The following MROH2A variants were observed in gnomAD, a reference collection of about 807,000 sequenced individuals.
MROH2A encodes maestro heat-like repeat-containing protein family member 2A.
A neutral mutation model predicts 200.4 loss-of-function variants in MROH2A; 174 were observed. The observed-to-expected ratio is 0.87, with a 90% CI of 0.77 to 0.98. The LOEUF (loss-of-function observed/expected upper bound fraction) is 0.98, where lower values mean the gene tolerates loss of function less well. Ranked by LOEUF, MROH2A falls within the 50% of genes least tolerant of loss-of-function variation. MROH2A has a pLI of 0.00. For missense variants in MROH2A, 2,045 were observed against 2,139.6 expected (o/e 0.96, Z 0.87); for synonymous variants, 829 against 840.4 (o/e 0.99, Z 0.23).
intron 5 of MROH2A, 31 bp from the exon 6 acceptor site, chr2:233,792,765 C>A: frequency 7.0e-7 from 1 of 1,421,732 alleles, no homozygotes; most frequent in Non-Finnish European, 9.7e-7. Context: ...CCAGCCCCAA[C>A]TTCCTGTAAT....
At chr2:233,809,012 GA>G in intron 21 of MROH2A, 113 bp from the exon 22 acceptor site, 1 of 1,197,680 alleles carries the variant, frequency 8.3e-7, no homozygotes, top group Non-Finnish European at 1.2e-6. Flanking sequence ...ACAGTCAGGT[GA>G]AGCACCGCCA....
chr2:233,823,006 G>A lies in MROH2A; in HGVS notation c.3992G>A (p.Ser1331Asn). 1 of 1,550,352 alleles carries A rather than the reference G, an allele frequency of 6.5e-7. No individual in the cohort carries two copies. Among genetic ancestry groups the A allele is most frequent in the East Asian group, 2.4e-5 (1 of 40,918 alleles). Reference protein sequence around the residue: ...QDGGTFLEGVSLLARLCMQHV... With the variant: ...QDGGTFLEGVNLLARLCMQHV... ...GGCGGGACATTCCTGGAGGGTGTGAGCCTGCTGGCCAGGTGGGCCCTGGCT... is the reference window on the plus strand; with the variant it reads ...GGCGGGACATTCCTGGAGGGTGTGAACCTGCTGGCCAGGTGGGCCCTGGCT... Residue 1331 changes from serine to asparagine, a missense_variant, in exon 34 of 42, where the codon AGC becomes AAC. Physicochemically the swap from Ser to Asn is conservative, Grantham distance 46. Around this residue, in one of 3 missense-constraint regions of MROH2A, gnomAD observed 1,201 missense variants for 1,311.3 expected, o/e 0.92. Coordinates refer to ENST00000389758, the MANE Select transcript of MROH2A (RefSeq NM_001394639.1).
rs1394949168 is a variant in MROH2A, at chr2:233,816,880, G to A, written c.2956G>A (p.Val986Ile). Residue 986 changes from valine (V) to isoleucine (I), a missense_variant, in exon 27 of 42, where the codon GTC becomes ATC. Physicochemically the swap from Val to Ile is conservative, Grantham distance 29. This residue lies in a region of MROH2A where 1,201 missense variants were observed against 1,311.3 expected (regional missense o/e 0.92). Transcript: ENST00000389758. ...LMWIYVHSTA[V>I]CIHLKLGQFG... is the part of the protein sequence containing the mutation. ...GTGGATTTATGTCCACAGCACTGCT[G>A]TCTGTGTGAGTCCAGGAGTCCCCAG... 18 of 1,538,764 alleles carry A rather than the reference G, an allele frequency of 1.2e-5. No individual in the cohort carries two copies. Among genetic ancestry groups the A allele is most frequent in the Admixed American group, 2.0e-5 (1 of 50,936 alleles).
At chr2:233,816,660 A>G in intron 26 of MROH2A, 121 bp from the exon 27 acceptor site, 1 of 626,354 alleles carries the variant, frequency 1.6e-6, no homozygotes, top group Non-Finnish European at 2.9e-6. Flanking sequence ...GCCTGTCTAG[A>G]ACCACAAGGA....
At position 233,807,471 on chromosome 2, in the gene MROH2A, G is replaced by T; in HGVS notation, c.2101G>T (p.Ala701Ser). Residue 701 changes from alanine (A) to serine (S), a missense_variant, in exon 20 of 42, where the codon GCC (alanine) becomes TCC (serine). This residue lies in a region of MROH2A where 1,201 missense variants were observed against 1,311.3 expected (regional missense o/e 0.92). Coordinates refer to ENST00000389758, the MANE Select transcript of MROH2A (RefSeq NM_001394639.1). The surrounding 1 kb of genome is among the most constrained non-coding windows in gnomAD (Gnocchi z 4.3). ...CTTCACCTTGGCCACAGGCCTGGAG[G>T]CCAGCAAGGTGGAGGTCCTGCTGTT... ...LGFTLATGLE[A>S]SKVEVLLLEL... 1 of 1,550,626 alleles carries T rather than the reference G, an allele frequency of 6.4e-7. No homozygotes were observed. Among genetic ancestry groups the T allele is most frequent in the Non-Finnish European group, 8.7e-7 (1 of 1,147,012 alleles).
At chr2:233,805,519 A>G (rs1702736154) in intron 19 of MROH2A, among the ~76,000 whole-genome samples, 1 of 152,188 alleles carries the variant, frequency 6.6e-6, no homozygotes. Flanking sequence ...ACCTATCACA[A>G]TCCAAGCTAG....
intron 3 of MROH2A, among the ~76,000 whole-genome samples, chr2:233,789,086 T>A (rs183744836): frequency 3.3e-4 from 50 of 151,606 alleles, no homozygotes; most frequent in Non-Finnish European, 5.7e-4. Flanking sequence ...TCAGTGGTGA[T>A]AAGCGCTATC....
rs1161122037 is a variant in MROH2A, at chr2:233,823,580, C to T, written c.4029C>T (p.Gly1343=). 1.3e-6 allele frequency: 2 copies of T among 1,550,162 alleles called. No individual in the cohort carries two copies. The highest frequency in any genetic ancestry group is 2.0e-5 in the Admixed American group (1 of 50,982). Residue 1343 remains glycine (G), a synonymous_variant, in exon 35 of 42, where the codon GGC becomes GGT. Coordinates refer to ENST00000389758, the MANE Select transcript of MROH2A (RefSeq NM_001394639.1). The stretch of plus-strand genomic sequence containing the variant: ...GGCTGTGCATGCAGCACGTGGAGGG[C>T]CACAGGCAGAGGCTGGCCGAGCTGG... ...LARLCMQHVE[G]HRQRLAELVL...
At chr2:233,802,527 A>C (rs1007563863) in intron 15 of MROH2A, 6 of 543,960 alleles carry the variant, frequency 1.1e-5, no homozygotes, top group Non-Finnish European at 1.6e-5. Context: ...CTTCCTTTGG[A>C]TAGCTCACTC....
intron 27 of MROH2A, 127 bp from the exon 28 acceptor site, chr2:233,817,875 C>A: frequency 8.6e-7 from 1 of 1,167,938 alleles, no homozygotes; most frequent in Non-Finnish European, 1.2e-6. Context: ...TGGCACCCTC[C>A]CCTTCCCCAA....
At chr2:233,787,957 C>CATATATATTATATATACAT (rs1234238792) in intron 3 of MROH2A, among the ~76,000 whole-genome samples, 1 of 11,200 alleles carries the variant, frequency 8.9e-5, no homozygotes. Context: ...ATTATATATA[C>CATATATATTATATATACAT]ATATATTATA....
At chr2:233,811,038 T>A (rs1703122536) in intron 23 of MROH2A, 122 bp downstream of exon 23, 1 of 1,134,290 alleles carries the variant, frequency 8.8e-7, no homozygotes, top group African/African-American at 1.6e-5. Context: ...TTCCCTGTCT[T>A]GGCTCTGCTT....
At chr2:233,779,017 G>C (rs527329861) in intron 1 of MROH2A, among the ~76,000 whole-genome samples, 48 of 152,304 alleles carry the variant, frequency 3.2e-4, no homozygotes, top group African/African-American at 1.1e-3. Context: ...TCAGTTCCTT[G>C]CTACGTGGCC....
intron 3 of MROH2A, among the ~76,000 whole-genome samples, chr2:233,788,087 T>C (rs1223072068): frequency 1.0e-5 from 1 of 96,134 alleles, no homozygotes; most frequent in East Asian, 2.5e-4. Context: ...ATATATTATA[T>C]ATACATATAT....
intron 16 of MROH2A, 48 bp downstream of exon 16, chr2:233,803,536 T>A (rs1435628672): frequency 6.5e-7 from 1 of 1,542,940 alleles, no homozygotes; most frequent in Admixed American, 2.0e-5. Context: ...GGCCATGCCC[T>A]GTGGCACCTC....
intron 26 of MROH2A, 67 bp from the exon 27 acceptor site, chr2:233,816,714 G>T (rs1048614844): frequency 1.8e-6 from 2 of 1,096,936 alleles, no homozygotes; most frequent in African/African-American, 3.1e-5. Flanking sequence ...GTGGGCAAAA[G>T]CTGGCCAGGA....
intron 6 of MROH2A, among the ~76,000 whole-genome samples, chr2:233,793,257 G>A (rs1325478699): frequency 1.3e-5 from 2 of 152,136 alleles, no homozygotes; most frequent in African/African-American, 4.8e-5. Flanking sequence ...GACGGGGACT[G>A]GTCTTAGATG....
In MROH2A at chr2:233,814,557, ATCTC is replaced by A. The variant is rs955086935; in HGVS notation, c.2761-18_2761-15del. On this transcript the variant is annotated intron_variant, in intron 25 of 41. Transcript: ENST00000389758. ...TTGTGGGTGCCCCTCATTGCCGCCT[ATCTC>A]TCTCTCCCTCTTGGCTGTAGACCCT... 4.6e-6 allele frequency: 7 copies of A among 1,535,048 alleles called. No individual in the cohort carries two copies. In the African/African-American group the frequency reaches 9.6e-5, roughly 21 times the overall value.
At chr2:233,784,081 T>C (rs1306399394) in intron 3 of MROH2A, among the ~76,000 whole-genome samples, 3 of 152,154 alleles carry the variant, frequency 2.0e-5, no homozygotes, top group African/African-American at 7.2e-5. Context: ...TCTTTAAATT[T>C]TGGGTTGGGT....
Sources: gnomAD v4.1 joint callset for allele counts (sites outside exome capture counted in the v4.1 genomes callset) on GRCh38, gnomAD v4.1.1 for gene constraint, gnomAD v4.1.1 regional missense constraint, Gnocchi (gnomAD v3.1) non-coding constraint, MANE v1.5 for transcripts, NCBI Gene and HGNC (gene_info 2026-07-23, HGNC 2026-07-21) for gene names.